The following NELL1 variants were observed in gnomAD, a reference collection of about 807,000 sequenced individuals.
NELL1 encodes protein kinase C-binding protein NELL1.
NELL1 carries 76 observed loss-of-function variants against 107.4 expected under a neutral mutation model. The observed-to-expected ratio is 0.71, with a 90% CI of 0.59 to 0.86. The LOEUF is 0.86. Among genes scored for constraint, NELL1 ranks in the 40% least tolerant of loss-of-function variants. NELL1 has a pLI of 0.00. For synonymous variants in NELL1, 353 were observed against 341.2 expected (o/e 1.03, Z -0.38); for missense variants, 1,024 against 1,005.5 (o/e 1.02, Z -0.25).
At chr11:21,160,153 C>T (rs749770457) in intron 13 of NELL1, among the ~76,000 whole-genome samples, 4 of 152,194 alleles carry the variant, frequency 2.6e-5, no homozygotes, top group Admixed American at 6.5e-5. Flanking sequence ...ATATGTAGGT[C>T]TGCCTCTGTG....
rs979952303 is a variant in NELL1, at chr11:21,485,730, C to T, written c.1646-48644C>T. Among the ~76,000 whole-genome samples the T allele has an allele frequency of 2.6e-5, 4 of 151,718 alleles. No homozygotes were observed. The South Asian group carries it at 6.3e-4, about 24-fold the overall frequency. ...GAACATTCTGCCAATAATCTGGGGA[C>T]CATCCCATTCCTGCCTATTACAGAC... On this transcript the variant is annotated intron_variant, in intron 15 of 19. Coordinates refer to ENST00000357134, the MANE Select transcript of NELL1 (RefSeq NM_006157.5).
chr11:20,917,040 A>G (rs1850273659), intron 5 of NELL1, among the ~76,000 whole-genome samples: 1 of 151,990 alleles, frequency 6.6e-6, no homozygotes, highest in South Asian at 2.1e-4. Flanking sequence ...TAGCCTCTCA[A>G]AGAGTTAATT....
intron 16 of NELL1, among the ~76,000 whole-genome samples, chr11:21,559,165 C>T (rs190063360): frequency 1.3e-5 from 2 of 152,200 alleles, no homozygotes; most frequent in Admixed American, 6.5e-5. Context: ...CTTTGTATTG[C>T]ACCATGTGCA....
Position 21,113,627 on chromosome 11 carries a change from G to A in NELL1, c.1339G>A (p.Ala447Thr), listed in dbSNP as rs1855158117. The A allele has an allele frequency of 1.2e-6, 2 of 1,611,866 alleles. No individual in the cohort carries two copies. The highest frequency in any genetic ancestry group is 1.7e-5 in the Admixed American group (1 of 59,858). Residue 447 changes from alanine to threonine, a missense_variant, in exon 13 of 20, where the codon GCC (alanine) becomes ACC (threonine). Coordinates refer to ENST00000357134, the MANE Select transcript of NELL1 (RefSeq NM_006157.5). ...ECAAKMHYCH[A>T]NTVCVNLPGL... ...TGCAGCTAAGATGCATTACTGTCAT[G>A]CCAATACTGTGTGTGTCAACCTTCC...
intron 1 of NELL1, among the ~76,000 whole-genome samples, chr11:20,677,176 C>T (rs1854079349): frequency 6.6e-6 from 1 of 152,186 alleles, no homozygotes. Context: ...ATCCATTATT[C>T]CAGGGATTCT....
chr11:20,773,271 C>T (rs1206168467), intron 2 of NELL1, among the ~76,000 whole-genome samples: 1 of 152,094 alleles, frequency 6.6e-6, no homozygotes, highest in African/African-American at 2.4e-5. Context: ...CCTACAGGAC[C>T]CAGGGCCTGT....
intron 15 of NELL1, among the ~76,000 whole-genome samples, chr11:21,487,558 C>G (rs1854668682): frequency 6.6e-6 from 1 of 151,952 alleles, no homozygotes; most frequent in South Asian, 2.1e-4. Context: ...AGGAAGGGCT[C>G]AAGTGGTTCC....
intron 15 of NELL1, among the ~76,000 whole-genome samples, chr11:21,473,927 A>C (rs1334145183): frequency 2.0e-5 from 3 of 152,104 alleles, no homozygotes; most frequent in African/African-American, 7.2e-5. Flanking sequence ...GATAATCTAA[A>C]ATAATGTACT....
intron 12 of NELL1, among the ~76,000 whole-genome samples, chr11:21,104,126 T>A (rs528397131): frequency 6.6e-6 from 1 of 152,312 alleles, no homozygotes; most frequent in South Asian, 2.1e-4. Flanking sequence ...TTAAGTCCAT[T>A]GGACCTTTTT....
chr11:21,467,183 G>T (rs144712777), intron 15 of NELL1, among the ~76,000 whole-genome samples: 1 of 152,142 alleles, frequency 6.6e-6, no homozygotes, highest in Non-Finnish European at 1.5e-5. Flanking sequence ...GCTTTGAATT[G>T]CAGATCCCAT....
At chr11:21,150,010 C>T (rs556784788) in intron 13 of NELL1, among the ~76,000 whole-genome samples, 1 of 152,034 alleles carries the variant, frequency 6.6e-6, no homozygotes, top group East Asian at 1.9e-4. Context: ...GAGTTGATAT[C>T]TGGAGAACTG....
At chr11:20,930,861 T>G (rs1850604229) in intron 9 of NELL1, among the ~76,000 whole-genome samples, 1 of 151,826 alleles carries the variant, frequency 6.6e-6, no homozygotes. Flanking sequence ...TAGGTAGCAC[T>G]AATTTTCTCA....
At chr11:21,087,398 A>C (rs1002755039) in intron 12 of NELL1, among the ~76,000 whole-genome samples, 4 of 150,362 alleles carry the variant, frequency 2.7e-5, no homozygotes, top group Admixed American at 2.7e-4. Context: ...AAAAAAAAAA[A>C]TATTTTGCTA....
intron 3 of NELL1, among the ~76,000 whole-genome samples, chr11:20,802,215 A>G (rs1463504192): frequency 1.3e-5 from 2 of 152,258 alleles, no homozygotes; most frequent in African/African-American, 4.8e-5. Flanking sequence ...CCAATCCATG[A>G]ATGTGGAATG....
chr11:21,534,114 C>T (rs1462856402), intron 15 of NELL1, among the ~76,000 whole-genome samples: 1 of 152,092 alleles, frequency 6.6e-6, no homozygotes, highest in African/African-American at 2.4e-5. Flanking sequence ...TCAGAGACAA[C>T]ACAGCTTTTG....
intron 15 of NELL1, among the ~76,000 whole-genome samples, chr11:21,450,058 G>T (rs1410212036): frequency 3.9e-5 from 6 of 152,098 alleles, no homozygotes; most frequent in Admixed American, 3.3e-4. Context: ...TTGCCTAGTT[G>T]GTGACCTGTT....
chr11:21,154,045 T>G (rs1312785885), intron 13 of NELL1, among the ~76,000 whole-genome samples: 1 of 152,162 alleles, frequency 6.6e-6, no homozygotes, highest in Non-Finnish European at 1.5e-5. Flanking sequence ...TCCCATTTAA[T>G]GGACAAGATG....
intron 12 of NELL1, among the ~76,000 whole-genome samples, chr11:20,990,268 T>C (rs1328730576): frequency 6.6e-6 from 1 of 152,128 alleles, no homozygotes; most frequent in Admixed American, 6.5e-5. Context: ...CCTGGCCTCA[T>C]ATCTAATCAC....
intron 14 of NELL1, among the ~76,000 whole-genome samples, chr11:21,298,220 C>A (rs1013497582): frequency 6.6e-6 from 1 of 151,930 alleles, no homozygotes; most frequent in Non-Finnish European, 1.5e-5. Context: ...GGTTCTAATT[C>A]TTGTGATTAG....
Sources: allele counts gnomAD v4.1 joint callset (sites outside exome capture counted in the v4.1 genomes callset), GRCh38; gene constraint gnomAD v4.1.1; transcripts MANE v1.5; gene names NCBI Gene and HGNC (gene_info 2026-07-23, HGNC 2026-07-21).